Variants in PRELID2 observed in about 807,000 individuals in gnomAD.
PRELID2 encodes the protein PRELI domain-containing protein 2.
In PRELID2, 25 loss-of-function variants were observed where a neutral mutation model predicts 28.4. The ratio of observed to expected loss-of-function variants is 0.88; its 90% confidence interval spans 0.64 to 1.23. The LOEUF (loss-of-function observed/expected upper bound fraction) is 1.23. Ranked by LOEUF, PRELID2 falls within the 50% of genes most tolerant of loss-of-function variation. The pLI is 0.00. For missense variants in PRELID2, 201 were observed against 214.4 expected (o/e 0.94, Z 0.39); for synonymous variants, 76 against 71.6 (o/e 1.06, Z -0.31).
chr5:145,468,365 C>T (rs1366352040), downstream of PRELID2, among the ~76,000 whole-genome samples: 1 of 152,078 alleles, frequency 6.6e-6, no homozygotes, highest in Non-Finnish European at 1.5e-5. Flanking sequence ...TGAATAGTGC[C>T]TCAATAAACA....
intron 1 of PRELID2, among the ~76,000 whole-genome samples, chr5:145,609,902 T>G (rs748646499): frequency 2.6e-5 from 4 of 152,210 alleles, no homozygotes; most frequent in African/African-American, 9.6e-5. Context: ...TGGAAGCTGG[T>G]ACTGGGCCTT....
At chr5:145,715,593 C>T (rs1561555233) in intron 1 of PRELID2, among the ~76,000 whole-genome samples, 1 of 152,186 alleles carries the variant, frequency 6.6e-6, no homozygotes, top group Non-Finnish European at 1.5e-5. Flanking sequence ...CAACCACCCA[C>T]ATGATTGGAT....
chr5:145,383,396 G>T, the PRELID2 span, among the ~76,000 whole-genome samples: 1 of 150,476 alleles, frequency 6.6e-6, no homozygotes, highest in Non-Finnish European at 1.5e-5. Context: ...GTGGATGTGT[G>T]TGTGTGTGTG....
chr5:145,413,350 T>TGTG, the PRELID2 span, among the ~76,000 whole-genome samples: 105,312 of 151,538 alleles, frequency 0.69, 37,037 homozygotes, highest in Admixed American at 0.72. Context: ...TTGACATGAA[T>TGTG]GTGAAAAGGG....
chr5:145,491,979 T>C (rs1752273649), intron 1 of PRELID2, among the ~76,000 whole-genome samples: 1 of 152,186 alleles, frequency 6.6e-6, no homozygotes, highest in Non-Finnish European at 1.5e-5. Context: ...TGTTTGGCTA[T>C]TGTGAATAGT....
At chr5:145,325,052 C>G in the PRELID2 span, among the ~76,000 whole-genome samples, 47 of 152,154 alleles carry the variant, frequency 3.1e-4, 1 homozygote, top group Non-Finnish European at 1.2e-4. Context: ...TCAACAAATT[C>G]AGTCATGACA....
the PRELID2 span, among the ~76,000 whole-genome samples, chr5:145,312,701 T>G: frequency 6.6e-6 from 1 of 152,228 alleles, no homozygotes; most frequent in Non-Finnish European, 1.5e-5. Context: ...TTTCTTTTTT[T>G]AAGGCTGAAT....
intron 1 of PRELID2, among the ~76,000 whole-genome samples, chr5:145,587,685 A>G (rs1753172985): frequency 6.6e-6 from 1 of 152,150 alleles, no homozygotes; most frequent in Admixed American, 6.6e-5. Context: ...TTACATTATA[A>G]TAAGGTACAC....
chr5:145,229,902 T>C, the PRELID2 span: 1 of 750,312 alleles, frequency 1.3e-6, no homozygotes, highest in Non-Finnish European at 2.5e-6. Flanking sequence ...CATCCTTGGC[T>C]GGGAGTCCCC....
chr5:145,385,740 TA>T, the PRELID2 span, among the ~76,000 whole-genome samples: 1 of 152,222 alleles, frequency 6.6e-6, no homozygotes, highest in Non-Finnish European at 1.5e-5. Context: ...TGATGTTCTT[TA>T]GAAGTGGACT....
At chr5:145,373,066 TG>T in the PRELID2 span, among the ~76,000 whole-genome samples, 34,442 of 92,552 alleles carry the variant, frequency 0.37, 9,914 homozygotes, top group South Asian at 0.55. Context: ...ATATAATATA[TG>T]ATATATATTA....
chr5:145,553,298 G>A (rs1214642227), intron 1 of PRELID2, among the ~76,000 whole-genome samples: 1 of 151,776 alleles, frequency 6.6e-6, no homozygotes, highest in African/African-American at 2.4e-5. Flanking sequence ...TGACAAGGAA[G>A]TGACAATGCA....
chr5:145,758,352 A>G lies in PRELID2; in HGVS notation c.*2184T>C, dbSNP rs1757324636. Among the ~76,000 whole-genome samples the G allele has an allele frequency of 6.6e-6, 1 of 152,180 alleles. No homozygotes were observed. The highest frequency in any genetic ancestry group is 1.5e-5 in the Non-Finnish European group (1 of 68,026). Reference sequence around the variant, plus strand: ...ATCCTTTCCAACCACAGAGATATTAAGAAAAAAATTAAATATTGTCTGCAA... The same window carrying G: ...ATCCTTTCCAACCACAGAGATATTAGGAAAAAAATTAAATATTGTCTGCAA... On this transcript the variant is annotated 3_prime_UTR_variant, in exon 7 of 7. Coordinates refer to ENST00000683046, the MANE Select transcript of PRELID2 (RefSeq NM_205846.3).
rs777471452 is a variant in PRELID2, at chr5:145,765,006, G to A, written c.475-6C>T. ...ATCTCCATGATTCTAATTCCCTATA[G>A]AAAGAAGGAAAAAAAATTAAAATGC... is the stretch of plus-strand genomic sequence containing the variant. On this transcript the variant is annotated splice_region_variant and splice_polypyrimidine_tract_variant and intron_variant, in intron 5 of 6. Transcript: ENST00000683046. 3.8e-6 allele frequency: 6 copies of A among 1,583,390 alleles called. No homozygotes were observed. The highest frequency in any genetic ancestry group is 1.9e-5 in the Admixed American group (1 of 54,006).
the PRELID2 span, among the ~76,000 whole-genome samples, chr5:145,456,803 TC>T: frequency 6.6e-6 from 1 of 152,158 alleles, no homozygotes; most frequent in Non-Finnish European, 1.5e-5. Context: ...AAAGTAACAA[TC>T]TTTTACAGTT....
At chr5:145,831,089 T>C (rs781532543) in intron 1 of PRELID2, among the ~76,000 whole-genome samples, 2 of 152,134 alleles carry the variant, frequency 1.3e-5, no homozygotes, top group African/African-American at 2.4e-5. Context: ...AAAATAAAAG[T>C]GTATTTTGCC....
intron 1 of PRELID2, among the ~76,000 whole-genome samples, chr5:145,689,498 G>A (rs1046971257): frequency 3.3e-5 from 5 of 152,180 alleles, no homozygotes; most frequent in Non-Finnish European, 7.3e-5. Context: ...GAGAAATGTG[G>A]TTTGCAGAGT....
At chr5:145,504,925 A>G (rs528442508) in intron 1 of PRELID2, among the ~76,000 whole-genome samples, 2 of 152,254 alleles carry the variant, frequency 1.3e-5, no homozygotes, top group South Asian at 4.1e-4. Context: ...ATTCTTGTTC[A>G]CTTCACATTT....
chr5:145,501,133 C>T (rs912735981), intron 1 of PRELID2, among the ~76,000 whole-genome samples: 2 of 152,108 alleles, frequency 1.3e-5, no homozygotes, highest in African/African-American at 4.8e-5. Flanking sequence ...GCCACCCCAC[C>T]ATCAATTCAA....
Sources: allele counts gnomAD v4.1 joint callset (sites outside exome capture counted in the v4.1 genomes callset), GRCh38; gene constraint gnomAD v4.1.1; transcripts MANE v1.5; gene names NCBI Gene and HGNC (gene_info 2026-07-23, HGNC 2026-07-21).